CNTRL: variants seen among roughly 807,000 people sequenced by gnomAD.
The protein encoded by CNTRL is 110 kDa centrosomal protein.
In CNTRL, 233 loss-of-function variants were observed where a neutral mutation model predicts 303.7. That is an observed-to-expected ratio of 0.77 (90% CI 0.69 to 0.86). The LOEUF (loss-of-function observed/expected upper bound fraction) is 0.86, where lower values mean the gene tolerates loss of function less well. CNTRL is among the 40% of genes least tolerant of loss of function. The probability of loss-of-function intolerance (pLI) is 0.00; values close to 1 mark genes in which losing one functional copy is unlikely to be tolerated. For synonymous variants in CNTRL, 900 were observed against 922.2 expected, an observed-to-expected ratio of 0.98 and a Z score of 0.44; for missense variants, 2,524 against 2,650.6, an observed-to-expected ratio of 0.95 and a Z score of 1.05.
chr9:121,097,979 A>G (rs745525278), intron 6 of CNTRL, among the ~76,000 whole-genome samples: 2 of 152,178 alleles, frequency 1.3e-5, no homozygotes, highest in Non-Finnish European at 2.9e-5. Flanking sequence ...ATTTTTTATA[A>G]CTATTCATTT....
chr9:121,087,718 A>G (rs773682202), intron 2 of CNTRL, among the ~76,000 whole-genome samples: 36 of 152,136 alleles, frequency 2.4e-4, no homozygotes, highest in Non-Finnish European at 4.4e-4. Context: ...TAAATAGAGT[A>G]AACACATGGC....
intron 7 of CNTRL, among the ~76,000 whole-genome samples, chr9:121,103,350 A>G (rs1051631983): frequency 3.3e-5 from 5 of 152,242 alleles, no homozygotes; most frequent in Admixed American, 2.6e-4. Context: ...AGCCATATGT[A>G]GAAAGCTGAA....
chr9:121,115,779 T>C (rs2049947922), intron 11 of CNTRL, among the ~76,000 whole-genome samples: 1 of 152,238 alleles, frequency 6.6e-6, no homozygotes, highest in Admixed American at 6.5e-5. Context: ...TTTGTAACTT[T>C]TAAAAATCAG....
chr9:121,123,352 G>A lies in CNTRL; in HGVS notation c.1651-579G>A, dbSNP rs150878129. Reference sequence around the variant, plus strand: ...CCCAGCGATTTGGGAGGCCAAGGCCGGCAGATCACTTGAGGTCAGGAGTTC... The same window carrying A: ...CCCAGCGATTTGGGAGGCCAAGGCCAGCAGATCACTTGAGGTCAGGAGTTC... On this transcript the variant is annotated intron_variant, in intron 12 of 43. Coordinates refer to ENST00000373855, the MANE Select transcript of CNTRL (RefSeq NM_007018.6). Among the ~76,000 whole-genome samples the A allele has an allele frequency of 9.4e-3, 1,428 of 152,258 alleles. 25 individuals are homozygous for A. Among genetic ancestry groups the A allele is most frequent in the African/African-American group, 0.033 (1,352 of 41,546 alleles).
Position 121,157,344 on chromosome 9 carries a change from T to C in CNTRL, c.4366-126T>C. The C allele has an allele frequency of 3.3e-6, 3 of 900,490 alleles. 1 individual carries two copies. The highest frequency in any genetic ancestry group is 5.2e-5 in the Admixed American group (2 of 38,158). The allele number at this position is 900,490 out of a possible 1,614,324, so 55.8% of individuals were successfully genotyped here. On this transcript the variant is annotated intron_variant, in intron 27 of 43. Coordinates refer to ENST00000373855, the MANE Select transcript of CNTRL (RefSeq NM_007018.6). ...TATTTACCGAGAATTAGAGTTACAG[T>C]GAATGGACATTTTTATGTCTTTCTG...
intron 29 of CNTRL, 29 bp downstream of exon 29, chr9:121,157,909 G>T: frequency 6.2e-7 from 1 of 1,613,674 alleles, no homozygotes; most frequent in Non-Finnish European, 8.5e-7. Flanking sequence ...GGGCTACAAG[G>T]GGTTTGTGCT....
At chr9:121,130,138 G>T (rs965726095) in intron 14 of CNTRL, among the ~76,000 whole-genome samples, 1 of 152,306 alleles carries the variant, frequency 6.6e-6, no homozygotes, top group South Asian at 2.1e-4. Context: ...TCAGGATGAT[G>T]CTGGCCTCAT....
intron 43 of CNTRL, among the ~76,000 whole-genome samples, chr9:121,175,763 G>C (rs775094922): frequency 7.2e-5 from 11 of 152,188 alleles, no homozygotes; most frequent in Non-Finnish European, 1.3e-4. Flanking sequence ...CTGCAGATTG[G>C]ATGACCTGGC....
In CNTRL at chr9:121,135,830, C is replaced by T; in HGVS notation, c.2050C>T (p.Leu684Phe). 4.3e-6 allele frequency: 7 copies of T among 1,613,140 alleles called. No individual in the cohort carries two copies. The highest frequency in any genetic ancestry group is 5.9e-6 in the Non-Finnish European group (7 of 1,179,578). ...RKELAELESA[L>F]QEQHEVNASL... ...GGAGCTTGCAGAGCTAGAAAGTGCCCTCCAAGAGCAGCATGAGGTGAATGC... is the reference window on the plus strand; with the variant it reads ...GGAGCTTGCAGAGCTAGAAAGTGCCTTCCAAGAGCAGCATGAGGTGAATGC... Residue 684 changes from leucine (L) to phenylalanine (F), a missense_variant, in exon 15 of 44, where the codon CTC (leucine) becomes TTC (phenylalanine). Leu to Phe is a conservative substitution (Grantham distance 22). Transcript: ENST00000373855.
In CNTRL at chr9:121,107,940, T is replaced by C; in HGVS notation, c.947T>C (p.Leu316Ser). Residue 316 changes from leucine to serine, a missense_variant, in exon 8 of 44, where the codon TTA (leucine) becomes TCA (serine). By Grantham distance (145) the Leu-to-Ser change is moderately radical. Transcript: ENST00000373855. ...AAATCATTAAAAGAGGAGGCCATGT[T>C]ACAGAAACAGAGCTGTGAGGAACTC... ...LNKSLKEEAM[L>S]QKQSCEELKS... 6.2e-7 allele frequency: 1 copy of C among 1,606,096 alleles called. No individual in the cohort carries two copies. The highest frequency in any genetic ancestry group is 1.1e-5 in the South Asian group (1 of 89,578).
chr9:121,124,019 A>G lies in CNTRL; in HGVS notation c.1739A>G (p.Glu580Gly). The change falls in exon 13 of 44, where the codon GAG (glutamate) becomes GGG (glycine). Residue 580 changes from glutamate to glycine, a missense_variant. By Grantham distance (98) the Glu-to-Gly change is moderately conservative. Coordinates refer to ENST00000373855, the MANE Select transcript of CNTRL (RefSeq NM_007018.6). Reference protein sequence around the residue: ...QYQQLESRLDEILSRIAKETE... With the variant: ...QYQQLESRLDGILSRIAKETE... Reference sequence around the variant, plus strand: ...CAACAACTTGAAAGTCGTTTGGATGAGATACTTTCTAGAATTGCTAAGGAA... The same window carrying G: ...CAACAACTTGAAAGTCGTTTGGATGGGATACTTTCTAGAATTGCTAAGGAA... 6.2e-7 allele frequency: 1 copy of G among 1,613,208 alleles called. No homozygotes were observed. The highest frequency in any genetic ancestry group is 1.1e-5 in the South Asian group (1 of 90,890).
At chr9:121,142,533 T>C (rs1353325141) in intron 19 of CNTRL, among the ~76,000 whole-genome samples, 1 of 152,216 alleles carries the variant, frequency 6.6e-6, no homozygotes, top group Non-Finnish European at 1.5e-5. Flanking sequence ...ACAAATGATA[T>C]TGGGAGGAGT....
chr9:121,118,656 TA>T lies in CNTRL; in HGVS notation c.1650+118del, dbSNP rs2050088867. 8.9e-6 allele frequency: 7 copies of T among 787,662 alleles called. No individual in the cohort carries two copies. The Admixed American group carries it at 2.1e-4, about 24-fold the overall frequency. The allele number at this position is 787,662 out of a possible 1,614,324, so 48.8% of individuals were successfully genotyped here. On this transcript the variant is annotated intron_variant, in intron 12 of 43. Coordinates refer to ENST00000373855, the MANE Select transcript of CNTRL (RefSeq NM_007018.6). ...TCTGTTTTAGTTTGATGTACAAATTTAAGTGATATATACATACAGTCAGCCC... is the reference window on the plus strand; with the variant it reads ...TCTGTTTTAGTTTGATGTACAAATTTAGTGATATATACATACAGTCAGCCC...
chr9:121,135,632 C>A (rs2133862307), intron 14 of CNTRL, among the ~76,000 whole-genome samples, 174 bp from the exon 15 acceptor site: 1 of 152,262 alleles, frequency 6.6e-6, no homozygotes, highest in Non-Finnish European at 1.5e-5. Context: ...GTTTTGTTTT[C>A]CAACCAGGAT....
chr9:121,142,255 A>G lies in CNTRL; in HGVS notation c.2856A>G (p.Arg952=), dbSNP rs747156010. The change falls in exon 19 of 44, where the codon CGA becomes CGG. Residue 952 remains arginine (R), a synonymous_variant. Transcript: ENST00000373855. ...EEKERILAQL[R]ELEKKKKLED... ...AGGAGAGAATTCTGGCCCAACTCCG[A>G]GAGTTAGAGAAAAAGGTAGGGGAGA... 1.2e-6 allele frequency: 2 copies of G among 1,601,034 alleles called. No homozygotes were observed. Among genetic ancestry groups the G allele is most frequent in the East Asian group, 4.5e-5 (2 of 44,790 alleles).
chr9:121,169,547 G>A, intron 38 of CNTRL, 64 bp from the exon 39 acceptor site: 1 of 1,496,900 alleles, frequency 6.7e-7, no homozygotes, highest in Non-Finnish European at 9.3e-7. Context: ...CACAAGGGAA[G>A]GGGAGCTCTG....
intron 2 of CNTRL, among the ~76,000 whole-genome samples, chr9:121,086,701 C>T (rs1327135717): frequency 6.9e-6 from 1 of 144,312 alleles, no homozygotes; most frequent in African/African-American, 2.6e-5. Flanking sequence ...ACTGCAGTGG[C>T]GCGATCTAGG....
At position 121,113,540 on chromosome 9, in the gene CNTRL, C is replaced by T. The variant is rs2049844543; in HGVS notation, c.1161C>T (p.Tyr387=). 1.2e-6 allele frequency: 2 copies of T among 1,603,056 alleles called. No homozygotes were observed. Among genetic ancestry groups the T allele is most frequent in the Admixed American group, 1.8e-5 (1 of 56,758 alleles). ...ATAAAGCCCCAGATGAAAGCCCTTA[C>T]ATTGGCAAATCCAGATACAAGAGAA... ...EIDKAPDESP[Y]IGKSRYKRNM... The change falls in exon 10 of 44, where the codon TAC becomes TAT. Residue 387 remains tyrosine, a synonymous_variant. Transcript: ENST00000373855.
chr9:121,143,949 A>T lies in CNTRL; in HGVS notation c.2918A>T (p.Asp973Val). ...TCTCAGGAGCAAGTTTTTGGTTTAG[A>T]TAAAGAACTGAAGAAACTAAAGAAA... Reference protein sequence around the residue: ...AKSQEQVFGLDKELKKLKKAV... With the variant: ...AKSQEQVFGLVKELKKLKKAV... Residue 973 changes from aspartate to valine, a missense_variant, in exon 20 of 44, where the codon GAT (aspartate) becomes GTT (valine). Coordinates refer to ENST00000373855, the MANE Select transcript of CNTRL (RefSeq NM_007018.6). 6.2e-7 allele frequency: 1 copy of T among 1,611,724 alleles called. No individual in the cohort carries two copies. The highest frequency in any genetic ancestry group is 8.5e-7 in the Non-Finnish European group (1 of 1,179,346).
Sources: gnomAD v4.1 joint callset for allele counts (sites outside exome capture counted in the v4.1 genomes callset) on GRCh38, gnomAD v4.1.1 for gene constraint, MANE v1.5 for transcripts, NCBI Gene and HGNC (gene_info 2026-07-23, HGNC 2026-07-21) for gene names.